Variants in SMARCC1 observed in about 807,000 individuals in gnomAD.
SMARCC1 encodes the protein SWI/SNF complex subunit SMARCC1.
Under a neutral mutation model 147.4 loss-of-function variants are expected in SMARCC1, and 43 were observed. The observed-to-expected ratio is 0.29, with a 90% CI of 0.23 to 0.38. The LOEUF is 0.38. Ranked by LOEUF, SMARCC1 falls within the 10% of genes least tolerant of loss-of-function variation. SMARCC1 has a pLI of 1.00. For missense variants in SMARCC1, 1,119 were observed against 1,381.1 expected (o/e 0.81, Z 3.01); for synonymous variants, 495 against 484.4 (o/e 1.02, Z -0.29).
chr3:47,728,078 CT>C (rs1166964500), intron 6 of SMARCC1, among the ~76,000 whole-genome samples: 30 of 56,872 alleles, frequency 5.3e-4, no homozygotes, highest in Non-Finnish European at 8.3e-4. Flanking sequence ...TTATTAGTCC[CT>C]TTTTTTTTTT....
intron 18 of SMARCC1, among the ~76,000 whole-genome samples, chr3:47,671,478 A>G (rs2033501949): frequency 6.6e-6 from 1 of 152,184 alleles, no homozygotes; most frequent in Admixed American, 6.6e-5. Flanking sequence ...CAATAAGCCC[A>G]TATTATCTCA....
chr3:47,597,999 C>G (rs1040987997), intron 26 of SMARCC1, among the ~76,000 whole-genome samples: 2 of 152,124 alleles, frequency 1.3e-5, no homozygotes, highest in African/African-American at 4.8e-5. Context: ...CCCAGAGTTT[C>G]AAATAGAGCA....
At chr3:47,729,237 A>C (rs1252250718) in intron 5 of SMARCC1, 143 bp from the exon 6 acceptor site, 20 of 606,584 alleles carry the variant, frequency 3.3e-5, no homozygotes, top group African/African-American at 5.6e-5. Context: ...CTTTTTAGTC[A>C]AATAAAAAAA....
chr3:47,595,441 C>T lies in SMARCC1; in HGVS notation c.3044-4604G>A, dbSNP rs1292105350. ...ACTCGGGAGGCTGAGGCAGGAGAAT[C>T]GCTTGAACCGGAGAGGTGGAGGTTG... is the stretch of plus-strand genomic sequence containing the variant. On this transcript the variant is annotated intron_variant, in intron 26 of 27. Transcript: ENST00000254480. Among the ~76,000 whole-genome samples the T allele has an allele frequency of 4.0e-5, 6 of 151,844 alleles. No individual in the cohort carries two copies. The East Asian group carries it at 7.8e-4, about 20-fold the overall frequency.
Position 47,779,847 on chromosome 3 carries a change from C to A in SMARCC1, c.195+1756G>T, listed in dbSNP as rs554491246. On this transcript the variant is annotated intron_variant, in intron 1 of 27. Transcript: ENST00000254480. ...TGTTAAAGCTTCACTGAATTTAAGA[C>A]CCAAAGCATTGGCTAAAAGGAATGT... Among the ~76,000 whole-genome samples the A allele has an allele frequency of 3.9e-5, 6 of 152,236 alleles. No homozygotes were observed. The South Asian group carries it at 6.2e-4, about 16-fold the overall frequency.
chr3:47,651,752 G>C (rs941617062), intron 21 of SMARCC1, among the ~76,000 whole-genome samples: 1 of 152,098 alleles, frequency 6.6e-6, no homozygotes, highest in African/African-American at 2.4e-5. Flanking sequence ...TACACGTTAA[G>C]TTTTACTTAT....
chr3:47,612,684 C>T (rs552981437), intron 25 of SMARCC1, among the ~76,000 whole-genome samples: 131 of 152,168 alleles, frequency 8.6e-4, no homozygotes, highest in Non-Finnish European at 1.7e-3. Flanking sequence ...CTGTATTATC[C>T]TCTTTATTTT....
intron 2 of SMARCC1, among the ~76,000 whole-genome samples, chr3:47,765,344 T>C (rs1012299297): frequency 6.6e-6 from 1 of 151,974 alleles, no homozygotes; most frequent in Non-Finnish European, 1.5e-5. Context: ...ACACATACGT[T>C]TGTTAGGGTT....
At chr3:47,672,058 T>A (rs2033508711) in intron 18 of SMARCC1, among the ~76,000 whole-genome samples, 1 of 152,060 alleles carries the variant, frequency 6.6e-6, no homozygotes, top group Non-Finnish European at 1.5e-5. Flanking sequence ...CAAAAAAAAA[T>A]AATGCATCAA....
intron 2 of SMARCC1, among the ~76,000 whole-genome samples, chr3:47,752,580 G>A (rs1012833290): frequency 1.3e-5 from 2 of 152,054 alleles, no homozygotes; most frequent in Admixed American, 6.6e-5. Context: ...CAGGCCAGGA[G>A]TACAAGAACA....
chr3:47,689,701 T>C lies in SMARCC1; in HGVS notation c.1226-277A>G, dbSNP rs111494640. Among the ~76,000 whole-genome samples the C allele has an allele frequency of 2.0e-5, 3 of 152,210 alleles. No homozygotes were observed. In the East Asian group the frequency reaches 5.8e-4, roughly 29 times the overall value. ...GCTAATATCATAGTCATGATCTTAA[T>C]AACAGATACAGGACTTGATTACGAT... On this transcript the variant is annotated intron_variant, in intron 12 of 27. Transcript: ENST00000254480.
intron 26 of SMARCC1, among the ~76,000 whole-genome samples, chr3:47,598,853 A>T: frequency 7.9e-6 from 1 of 127,060 alleles, no homozygotes. Flanking sequence ...AAAAAAAAAG[A>T]GAGAGAGAGA....
intron 3 of SMARCC1, among the ~76,000 whole-genome samples, chr3:47,741,617 G>A (rs531408517): frequency 4.5e-4 from 68 of 151,450 alleles, no homozygotes; most frequent in Admixed American, 2.4e-3. Flanking sequence ...GTATCTTTAC[G>A]ATACACTTCC....
intron 1 of SMARCC1, among the ~76,000 whole-genome samples, chr3:47,775,715 C>T (rs1046448066): frequency 6.6e-6 from 1 of 151,700 alleles, no homozygotes; most frequent in Admixed American, 6.6e-5. Flanking sequence ...CAGGCTGTAG[C>T]GAACCCAGAT....
chr3:47,768,934 G>C (rs146242223), intron 2 of SMARCC1, among the ~76,000 whole-genome samples: 1 of 152,260 alleles, frequency 6.6e-6, no homozygotes, highest in East Asian at 1.9e-4. Flanking sequence ...AGCTAGCTGG[G>C]AGCGGTGGCT....
chr3:47,643,251 C>A (rs1448975435), intron 21 of SMARCC1, among the ~76,000 whole-genome samples: 1 of 152,172 alleles, frequency 6.6e-6, no homozygotes, highest in Non-Finnish European at 1.5e-5. Flanking sequence ...AGCTCCTTAT[C>A]TTGGCGTGTC....
intron 2 of SMARCC1, among the ~76,000 whole-genome samples, chr3:47,759,023 A>G (rs1031063102): frequency 2.9e-4 from 44 of 151,388 alleles, no homozygotes; most frequent in Admixed American, 1.5e-3. Flanking sequence ...GACCCAAAAA[A>G]AAAAGAGGAG....
rs561135761 is a variant in SMARCC1, at chr3:47,653,890, G to A, written c.2320+7404C>T. On this transcript the variant is annotated intron_variant, in intron 21 of 27. Coordinates refer to ENST00000254480, the MANE Select transcript of SMARCC1 (RefSeq NM_003074.4). Reference sequence around the variant, plus strand: ...AATTTTACTGTTAATGCCACTCAAAGGTCAGCCCTTGTAGTCTCATGTGCC... The same window carrying A: ...AATTTTACTGTTAATGCCACTCAAAAGTCAGCCCTTGTAGTCTCATGTGCC... Among the ~76,000 whole-genome samples the A allele has an allele frequency of 2.0e-4, 30 of 152,174 alleles. 1 individual carries two copies. The highest frequency in any genetic ancestry group is 9.2e-4 in the Admixed American group (14 of 15,260).
At chr3:47,664,161 C>T (rs1417554656) in intron 19 of SMARCC1, among the ~76,000 whole-genome samples, 3 of 150,862 alleles carry the variant, frequency 2.0e-5, no homozygotes, top group African/African-American at 7.3e-5. Context: ...CCCTCCACTC[C>T]CCTGCTTAAT....
Sources: allele counts gnomAD v4.1 joint callset (sites outside exome capture counted in the v4.1 genomes callset), GRCh38; gene constraint gnomAD v4.1.1; transcripts MANE v1.5; gene names NCBI Gene and HGNC (gene_info 2026-07-23, HGNC 2026-07-21).